SPMAP1: variants seen among roughly 807,000 people sequenced by gnomAD.
The protein encoded by SPMAP1 is sperm microtubule associated protein 1.
the SPMAP1 span, chr17:38,837,124 A>T: frequency 6.4e-7 from 1 of 1,573,652 alleles, no homozygotes; most frequent in Non-Finnish European, 8.7e-7. Flanking sequence ...GAGGCTAGAA[A>T]TGGAGGCAGC....
chr17:38,838,249 T>C, the SPMAP1 span, among the ~76,000 whole-genome samples: 3 of 152,158 alleles, frequency 2.0e-5, no homozygotes, highest in South Asian at 6.2e-4. Context: ...ATAAATGTTA[T>C]CTTTATTTAA....
chr17:38,841,341 A>G, the SPMAP1 span: 1 of 1,614,208 alleles, frequency 6.2e-7, no homozygotes. Flanking sequence ...ACCCCGTCCA[A>G]GATAAAGCCT....
At chr17:38,838,154 A>T in the SPMAP1 span, among the ~76,000 whole-genome samples, 5 of 150,854 alleles carry the variant, frequency 3.3e-5, no homozygotes, top group Admixed American at 6.6e-5. Context: ...AAGTGCTGGG[A>T]TTACAGGATT....
the SPMAP1 span, among the ~76,000 whole-genome samples, chr17:38,835,972 T>G: frequency 2.0e-5 from 3 of 152,120 alleles, no homozygotes; most frequent in African/African-American, 4.8e-5. Flanking sequence ...TGGAGTGCAA[T>G]GGCGCAATCT....
chr17:38,840,617 C>CAAAAAAAAAAAA, the SPMAP1 span, among the ~76,000 whole-genome samples: 6 of 48,724 alleles, frequency 1.2e-4, no homozygotes, highest in African/African-American at 3.6e-4. Context: ...CCCCTCTCTA[C>CAAAAAAAAAAAA]AAAAAAAAAA....
At chr17:38,836,314 G>GA in the SPMAP1 span, among the ~76,000 whole-genome samples, 2 of 151,992 alleles carry the variant, frequency 1.3e-5, no homozygotes, top group East Asian at 1.9e-4. Context: ...GTGTGAGGGT[G>GA]AAAAGTGCCC....
At chr17:38,841,109 A>G in the SPMAP1 span, 13 of 1,089,364 alleles carry the variant, frequency 1.2e-5, no homozygotes, top group Non-Finnish European at 1.7e-5. Context: ...AAAGTGGCGG[A>G]GCCTTCTTTG....
the SPMAP1 span, among the ~76,000 whole-genome samples, chr17:38,841,020 C>A: frequency 6.6e-6 from 1 of 151,716 alleles, no homozygotes; most frequent in Non-Finnish European, 1.5e-5. Context: ...CCAGCCTGGG[C>A]GACAGAGCGA....
At chr17:38,835,394 T>G in the SPMAP1 span, 3 of 1,603,764 alleles carry the variant, frequency 1.9e-6, no homozygotes, top group South Asian at 3.3e-5. Flanking sequence ...AGCCCACCTC[T>G]TGGCTTCCCC....
At chr17:38,837,295 G>A in the SPMAP1 span, 1 of 1,218,858 alleles carries the variant, frequency 8.2e-7, no homozygotes, top group Non-Finnish European at 1.2e-6. Context: ...AATGCTGAGG[G>A]GGACACAGTG....
At chr17:38,837,677 TAAA>T in the SPMAP1 span, among the ~76,000 whole-genome samples, 1 of 111,378 alleles carries the variant, frequency 9.0e-6, no homozygotes. Context: ...AAACTCCATC[TAAA>T]AAAAAAAAAA....
chr17:38,837,550 C>T, the SPMAP1 span, among the ~76,000 whole-genome samples: 2 of 151,704 alleles, frequency 1.3e-5, no homozygotes, highest in East Asian at 1.9e-4. Flanking sequence ...TGATGGCAGG[C>T]GCCTGTAATC....
the SPMAP1 span, among the ~76,000 whole-genome samples, chr17:38,835,689 A>G: frequency 6.6e-6 from 1 of 152,320 alleles, no homozygotes; most frequent in East Asian, 1.9e-4. Context: ...CCTCTGACCC[A>G]TGTGGAAAAA....
the SPMAP1 span, among the ~76,000 whole-genome samples, chr17:38,838,743 C>T: frequency 6.6e-6 from 1 of 152,058 alleles, no homozygotes; most frequent in Non-Finnish European, 1.5e-5. Flanking sequence ...ACTGCACTTC[C>T]AGCCTGTGTG....
the SPMAP1 span, among the ~76,000 whole-genome samples, chr17:38,835,632 C>G: frequency 6.6e-6 from 1 of 152,284 alleles, no homozygotes; most frequent in East Asian, 1.9e-4. Context: ...CTGGGCTTGG[C>G]AAAGCTTGCC....
chr17:38,839,811 A>C, the SPMAP1 span, among the ~76,000 whole-genome samples: 2 of 150,314 alleles, frequency 1.3e-5, no homozygotes, highest in African/African-American at 4.9e-5. Context: ...AAAAAAAATT[A>C]AAAAAAAAAT....
chr17:38,838,978 C>T, the SPMAP1 span, among the ~76,000 whole-genome samples: 7 of 148,410 alleles, frequency 4.7e-5, no homozygotes, highest in Middle Eastern at 3.6e-3. Flanking sequence ...CTCAGCTATT[C>T]AGGAGGCCGA....
At chr17:38,835,144 T>G in the SPMAP1 span, 1 of 1,592,202 alleles carries the variant, frequency 6.3e-7, no homozygotes, top group African/African-American at 1.3e-5. Flanking sequence ...TCTAAACATT[T>G]GTCTTAGAAA....
the SPMAP1 span, among the ~76,000 whole-genome samples, chr17:38,840,142 C>T: frequency 5.3e-5 from 8 of 152,088 alleles, no homozygotes; most frequent in Admixed American, 6.6e-5. Flanking sequence ...AACTGAGGTC[C>T]GCAGAGGTTT....
Sources: allele counts gnomAD v4.1 joint callset (sites outside exome capture counted in the v4.1 genomes callset), GRCh38; gene constraint gnomAD v4.1.1; transcripts MANE v1.5; gene names NCBI Gene and HGNC (gene_info 2026-07-23, HGNC 2026-07-21).